Variants in CDC34 observed in about 807,000 individuals in gnomAD.
CDC34 encodes the protein cell division cycle 34, ubiquitin conjugating enzyme, also known as ubiquitin-conjugating enzyme E2 R1.
CDC34 carries 18 observed loss-of-function variants against 26.8 expected under a neutral mutation model. The observed-to-expected ratio is 0.67, with a 90% CI of 0.47 to 1.00. The LOEUF (loss-of-function observed/expected upper bound fraction) is 1.00. Among genes scored for constraint, CDC34 ranks in the 50% least tolerant of loss-of-function variants. CDC34 has a pLI of 0.00. For missense variants in CDC34, 280 were observed against 334.5 expected (o/e 0.84, Z 1.27); for synonymous variants, 178 against 147.5 (o/e 1.21, Z -1.50).
At chr19:537,651 CT>C (rs773623358) in intron 4 of CDC34, among the ~76,000 whole-genome samples, 1,525 of 67,070 alleles carry the variant, frequency 0.023, 29 homozygotes, top group African/African-American at 0.073. Context: ...CGCGGCCGGC[CT>C]TTTTTTTTTT....
intron 1 of CDC34, among the ~76,000 whole-genome samples, chr19:534,143 A>G (rs1955352867): frequency 6.6e-6 from 1 of 152,166 alleles, no homozygotes; most frequent in South Asian, 2.1e-4. Context: ...GCTGTTGTCA[A>G]GGATTGCCGC....
chr19:533,428 G>C lies in CDC34; in HGVS notation c.177+1320G>C, dbSNP rs750842772. ...GTGAGGGCAGCAGCCTGGTCTGCTG[G>C]GGGCGATTCCTGAGCAGAGAGTGGG... On this transcript the variant is annotated intron_variant, in intron 1 of 4. Coordinates refer to ENST00000215574, the MANE Select transcript of CDC34 (RefSeq NM_004359.2). 3.3e-5 allele frequency among the ~76,000 whole-genome samples: 5 copies of C among 152,362 alleles called. No homozygotes were observed. In the South Asian group the frequency reaches 8.3e-4, roughly 25 times the overall value.
At position 531,894 on chromosome 19, in the gene CDC34, C is replaced by T. The variant is rs1480705754; in HGVS notation, c.-38C>T. 4 of 1,315,252 alleles carry T rather than the reference C, an allele frequency of 3.0e-6. No individual in the cohort carries two copies. Among genetic ancestry groups the T allele is most frequent in the South Asian group, 2.2e-5 (1 of 45,918 alleles). The allele number at this position is 1,315,252 out of a possible 1,614,324, so 81.5% of individuals were successfully genotyped here. On this transcript the variant is annotated 5_prime_UTR_variant, in exon 1 of 5. Coordinates refer to ENST00000215574, the MANE Select transcript of CDC34 (RefSeq NM_004359.2). ...CGCGAACTCGCGGTGGTCGCGCGGC[C>T]CCGCGCTGCTCCGACCCCGGGCCCC...
At chr19:541,185 TC>T in intron 4 of CDC34, 153 bp from the exon 5 acceptor site, 1 of 957,574 alleles carries the variant, frequency 1.0e-6, no homozygotes, top group Non-Finnish European at 1.5e-6. Flanking sequence ...CCCCTGGAGT[TC>T]CTCACGCACA....
At chr19:539,115 G>A (rs540478067) in intron 4 of CDC34, 4 of 728,570 alleles carry the variant, frequency 5.5e-6, no homozygotes, top group Non-Finnish European at 5.0e-6. Context: ...ATCTGTGTGC[G>A]TGTTGGCCTC....
At position 535,726 on chromosome 19, in the gene CDC34, C is replaced by A. The variant is rs532486883; in HGVS notation, c.178-111C>A. On this transcript the variant is annotated intron_variant, in intron 1 of 4. Coordinates refer to ENST00000215574, the MANE Select transcript of CDC34 (RefSeq NM_004359.2). The stretch of plus-strand genomic sequence containing the variant: ...CTTGGGCAGGATACGGTGTCCCTCA[C>A]ACACACCCTCAGGCACCAGCACTGG... 2.9e-5 allele frequency: 24 copies of A among 838,770 alleles called. No homozygotes were observed. In the East Asian group the frequency reaches 5.3e-4, roughly 19 times the overall value. 52.0% of individuals were successfully genotyped at this position (838,770 alleles called of 1,614,324 possible). A position where few individuals can be genotyped will look rare whatever the true frequency, so the allele number is the denominator to read the frequency against.
chr19:537,003 C>A lies in CDC34; in HGVS notation c.363-10C>A, dbSNP rs760925793. 1.9e-6 allele frequency: 3 copies of A among 1,613,506 alleles called. No individual in the cohort carries two copies. Among genetic ancestry groups the A allele is most frequent in the Non-Finnish European group, 2.5e-6 (3 of 1,179,932 alleles). ...CCGGGCCGCCCCACTCCGACCCACT[C>A]TCCCCACAGGACCATTCTCCTGAGT... On this transcript the variant is annotated splice_polypyrimidine_tract_variant and intron_variant, in intron 3 of 4. Coordinates refer to ENST00000215574, the MANE Select transcript of CDC34 (RefSeq NM_004359.2).
chr19:540,817 G>T lies in CDC34; in HGVS notation c.498-522G>T, dbSNP rs1313712. Among the ~76,000 whole-genome samples, 52 of 64,092 alleles carry T rather than the reference G, an allele frequency of 8.1e-4. 2 individuals carry two copies. Among genetic ancestry groups the T allele is most frequent in the African/African-American group, 3.7e-3 (43 of 11,602 alleles). The allele number at this position is 64,092 out of a possible 152,430, so 42.0% of individuals were successfully genotyped here. A position where few individuals can be genotyped will look rare whatever the true frequency, so the allele number is the denominator to read the frequency against. ...GGCCAGGCCCCCCGGTTTAGAATCC[G>T]GAGGCCGGGGTGGCCAGGCCCCCGG... On this transcript the variant is annotated intron_variant, in intron 4 of 4. Transcript: ENST00000215574.
chr19:532,807 G>A (rs911515120), intron 1 of CDC34, among the ~76,000 whole-genome samples: 2 of 152,156 alleles, frequency 1.3e-5, no homozygotes, highest in East Asian at 1.9e-4. Context: ...CGAAGTAGGG[G>A]CGTGCCTCCC....
In CDC34 at chr19:536,544, G is replaced by C. The variant is rs191879677; in HGVS notation, c.362+204G>C. 1.4e-5 allele frequency: 8 copies of C among 589,372 alleles called. No individual in the cohort carries two copies. In the African/African-American group the frequency reaches 1.5e-4, roughly 11 times the overall value. 36.5% of individuals were successfully genotyped at this position (589,372 alleles called of 1,614,324 possible). ...CACGGGGCCTGCGGCACCGTGTGTCGGTGCAGACTCCCACCAGGACCCCAG... is the reference window on the plus strand; with the variant it reads ...CACGGGGCCTGCGGCACCGTGTGTCCGTGCAGACTCCCACCAGGACCCCAG... On this transcript the variant is annotated intron_variant, in intron 3 of 4. Coordinates refer to ENST00000215574, the MANE Select transcript of CDC34 (RefSeq NM_004359.2).
At chr19:534,329 T>C (rs1285325118) in intron 1 of CDC34, among the ~76,000 whole-genome samples, 1 of 151,608 alleles carries the variant, frequency 6.6e-6, no homozygotes, top group African/African-American at 2.4e-5. Flanking sequence ...GTGCCCTCCC[T>C]GTCCAGGAGG....
chr19:533,844 G>A (rs755516208), intron 1 of CDC34, among the ~76,000 whole-genome samples: 21 of 152,202 alleles, frequency 1.4e-4, no homozygotes, highest in Non-Finnish European at 2.1e-4. Context: ...CTCCCTTCCC[G>A]CTGTGCCTGG....
intron 1 of CDC34, among the ~76,000 whole-genome samples, chr19:533,251 G>T (rs1159960298): frequency 6.6e-6 from 1 of 152,188 alleles, no homozygotes; most frequent in Non-Finnish European, 1.5e-5. Flanking sequence ...GTCACTTCCT[G>T]CCAAGAGCCT....
Position 541,594 on chromosome 19 carries a change from G to A in CDC34, c.*42G>A, listed in dbSNP as rs746373006. On this transcript the variant is annotated 3_prime_UTR_variant, in exon 5 of 5. Coordinates refer to ENST00000215574, the MANE Select transcript of CDC34 (RefSeq NM_004359.2). ...TTGCCGAGTTTACCTCACTAGGGCC[G>A]GACCCGTGGCTCCTTAGACGACAGA... is the stretch of plus-strand genomic sequence containing the variant. 2.8e-5 allele frequency: 43 copies of A among 1,519,974 alleles called. No homozygotes were observed. Among genetic ancestry groups the A allele is most frequent in the Middle Eastern group, 1.8e-4 (1 of 5,644 alleles). The allele number at this position is 1,519,974 out of a possible 1,614,324, so 94.2% of individuals were successfully genotyped here.
rs1979785741 is a variant in CDC34, at chr19:536,996, A to T, written c.363-17A>T. 1 of 1,613,028 alleles carries T rather than the reference A, an allele frequency of 6.2e-7. No homozygotes were observed. Among genetic ancestry groups the T allele is most frequent in the Non-Finnish European group, 8.5e-7 (1 of 1,179,856 alleles). On this transcript the variant is annotated splice_polypyrimidine_tract_variant and intron_variant, in intron 3 of 4. Transcript: ENST00000215574. The stretch of plus-strand genomic sequence containing the variant: ...GGGTGCCCCGGGCCGCCCCACTCCG[A>T]CCCACTCTCCCCACAGGACCATTCT...
intron 3 of CDC34, 101 bp downstream of exon 3, chr19:536,441 G>A: frequency 1.1e-6 from 1 of 878,320 alleles, no homozygotes; most frequent in Admixed American, 2.4e-5. Context: ...TCCCCCACAG[G>A]CTGTGGCGCC....
intron 4 of CDC34, chr19:539,047 G>A: frequency 1.0e-6 from 1 of 974,566 alleles, no homozygotes; most frequent in Non-Finnish European, 1.2e-6. Context: ...CTCCCTGTGG[G>A]CCAACACACA....
intron 1 of CDC34, among the ~76,000 whole-genome samples, chr19:532,337 C>T (rs16990502): frequency 0.36 from 55,195 of 152,198 alleles, 12,315 homozygotes; most frequent in East Asian, 0.57. Context: ...CGAAAATCCC[C>T]AGTTCCCTTC....
At chr19:536,213 C>T (rs1600423782) in intron 2 of CDC34, 30 bp from the exon 3 acceptor site, 1 of 1,563,292 alleles carries the variant, frequency 6.4e-7, no homozygotes. Context: ...TGACCTCTGA[C>T]CTGTTCTGAC....
Sources: allele counts gnomAD v4.1 joint callset (sites outside exome capture counted in the v4.1 genomes callset), GRCh38; gene constraint gnomAD v4.1.1; transcripts MANE v1.5; gene names NCBI Gene and HGNC (gene_info 2026-07-23, HGNC 2026-07-21).